SENP7: variants seen among roughly 807,000 people sequenced by gnomAD.
SENP7 encodes SUMO specific peptidase 7.
SENP7 carries 64 observed loss-of-function variants against 141.2 expected under a neutral mutation model. The ratio of observed to expected loss-of-function variants is 0.45; its 90% confidence interval spans 0.37 to 0.56. The LOEUF is 0.56. Among genes scored for constraint, SENP7 ranks in the 20% least tolerant of loss-of-function variants. The pLI is 0.00. For missense variants in SENP7, 1,025 were observed against 1,212.2 expected (o/e 0.85, Z 2.29); for synonymous variants, 382 against 426.4 (o/e 0.90, Z 1.28).
chr3:101,469,113 A>T (rs1388650738), intron 3 of SENP7, among the ~76,000 whole-genome samples: 1 of 152,206 alleles, frequency 6.6e-6, no homozygotes, highest in African/African-American at 2.4e-5. Flanking sequence ...CAAGAGACAA[A>T]GAAGGCCATT....
chr3:101,328,380 T>C (rs1350388216), intron 22 of SENP7, 98 bp downstream of exon 22: 1 of 755,828 alleles, frequency 1.3e-6, no homozygotes, highest in Non-Finnish European at 2.2e-6. Context: ...TAATAAAATA[T>C]AATTCCTGAT....
intron 6 of SENP7, among the ~76,000 whole-genome samples, chr3:101,389,860 A>G (rs2060761256): frequency 6.6e-6 from 1 of 152,208 alleles, no homozygotes; most frequent in Admixed American, 6.5e-5. Context: ...AACAATTTAC[A>G]AAATGCAGGA....
intron 17 of SENP7, among the ~76,000 whole-genome samples, chr3:101,334,140 A>G (rs926491913): frequency 6.6e-6 from 1 of 152,130 alleles, no homozygotes; most frequent in Non-Finnish European, 1.5e-5. Context: ...CTGGCTCCTA[A>G]CAGGCCACAG....
chr3:101,348,097 GA>G, intron 12 of SENP7, 46 bp from the exon 13 acceptor site: 1 of 1,312,804 alleles, frequency 7.6e-7, no homozygotes, highest in East Asian at 2.4e-5. Flanking sequence ...ATCCATTTAA[GA>G]ATACACCACT....
intron 11 of SENP7, chr3:101,358,646 T>C (rs2107324574): frequency 5.8e-6 from 1 of 171,044 alleles, no homozygotes; most frequent in South Asian, 1.3e-4. Context: ...TTTTTCTTCT[T>C]TTTTTGAGAC....
At chr3:101,504,907 T>C (rs114978077) in intron 1 of SENP7, among the ~76,000 whole-genome samples, 210 of 152,152 alleles carry the variant, frequency 1.4e-3, no homozygotes, top group African/African-American at 4.8e-3. Context: ...TGGTCTCAGC[T>C]GCTTGGGAGG....
intron 3 of SENP7, among the ~76,000 whole-genome samples, chr3:101,477,956 G>GT (rs538042881): frequency 5.3e-5 from 8 of 151,532 alleles, no homozygotes; most frequent in Non-Finnish European, 8.8e-5. Flanking sequence ...AAAAAGCGTT[G>GT]TTTTTTTTAA....
chr3:101,339,578 C>T (rs1347815096), intron 16 of SENP7, among the ~76,000 whole-genome samples: 3 of 151,928 alleles, frequency 2.0e-5, no homozygotes, highest in East Asian at 3.9e-4. Context: ...ATTAGCCGGG[C>T]GTGGTGGCGG....
intron 17 of SENP7, among the ~76,000 whole-genome samples, chr3:101,336,750 G>C (rs1209439245): frequency 6.6e-6 from 1 of 152,106 alleles, no homozygotes; most frequent in African/African-American, 2.4e-5. Flanking sequence ...GCCTCATGTT[G>C]CAACAACTAT....
intron 5 of SENP7, among the ~76,000 whole-genome samples, chr3:101,403,076 A>G (rs1418648940): frequency 6.6e-6 from 1 of 152,234 alleles, no homozygotes; most frequent in African/African-American, 2.4e-5. Context: ...GTAACAAAGT[A>G]CAGTGAAGTT....
chr3:101,327,603 C>T, intron 23 of SENP7, 63 bp downstream of exon 23: 2 of 1,282,782 alleles, frequency 1.6e-6, no homozygotes, highest in Non-Finnish European at 1.1e-6. Flanking sequence ...ACTATTACAC[C>T]CAGTAACTTG....
intron 4 of SENP7, among the ~76,000 whole-genome samples, chr3:101,421,076 A>G (rs1472543593): frequency 6.6e-6 from 1 of 152,184 alleles, no homozygotes. Context: ...ATGATATGAA[A>G]TTACTGTTAA....
chr3:101,488,772 G>A (rs930715988), intron 3 of SENP7, among the ~76,000 whole-genome samples: 1 of 152,220 alleles, frequency 6.6e-6, no homozygotes, highest in African/African-American at 2.4e-5. Flanking sequence ...AACCTGGGAG[G>A]TGGAGGTTGC....
chr3:101,357,924 C>A, intron 11 of SENP7: 1 of 625,630 alleles, frequency 1.6e-6, no homozygotes, highest in East Asian at 4.7e-5. Context: ...GGAGAGAAAC[C>A]CTACAGATGT....
At chr3:101,327,961 A>G in intron 22 of SENP7, 145 bp from the exon 23 acceptor site, 1 of 572,264 alleles carries the variant, frequency 1.7e-6, no homozygotes, top group Non-Finnish European at 3.0e-6. Context: ...TGCAACCTAC[A>G]TTTTATAAGG....
intron 11 of SENP7, among the ~76,000 whole-genome samples, chr3:101,360,739 AAC>A (rs1187902943): frequency 2.6e-5 from 4 of 152,232 alleles, no homozygotes; most frequent in African/African-American, 9.6e-5. Flanking sequence ...GTAATTATAA[AAC>A]ACACAGAATA....
intron 6 of SENP7, among the ~76,000 whole-genome samples, chr3:101,381,632 G>A (rs1356980952): frequency 1.3e-5 from 2 of 151,898 alleles, no homozygotes; most frequent in Non-Finnish European, 2.9e-5. Flanking sequence ...ATATTATTTT[G>A]AAAAGAGTGA....
intron 5 of SENP7, among the ~76,000 whole-genome samples, chr3:101,410,987 G>A (rs2061442646): frequency 6.6e-6 from 1 of 152,090 alleles, no homozygotes; most frequent in Admixed American, 6.6e-5. Flanking sequence ...AAGCAGTATG[G>A]CACAGGAATT....
intron 5 of SENP7, among the ~76,000 whole-genome samples, chr3:101,410,118 G>T (rs1231691178): frequency 6.6e-6 from 1 of 152,070 alleles, no homozygotes; most frequent in Non-Finnish European, 1.5e-5. Flanking sequence ...ATCAAAAAGT[G>T]GGGTAAGGAT....
Sources: allele counts gnomAD v4.1 joint callset (sites outside exome capture counted in the v4.1 genomes callset), GRCh38; gene constraint gnomAD v4.1.1; transcripts MANE v1.5; gene names NCBI Gene and HGNC (gene_info 2026-07-23, HGNC 2026-07-21).